REPS2: variants seen among roughly 807,000 people sequenced by gnomAD.
REPS2 encodes the protein RALBP1 associated Eps domain containing 2.
Under a neutral mutation model 53.6 loss-of-function variants are expected in REPS2, and 23 were observed. The observed-to-expected ratio is 0.43, with a 90% CI of 0.31 to 0.61. The LOEUF is 0.61. Ranked by LOEUF, REPS2 falls within the 20% of genes least tolerant of loss-of-function variation. The probability of loss-of-function intolerance (pLI) is 0.11; values close to 1 mark genes in which losing one functional copy is unlikely to be tolerated. For missense variants in REPS2, 446 were observed against 534.9 expected, an observed-to-expected ratio of 0.83 and a Z score of 1.64; for synonymous variants, 238 against 218.6, an observed-to-expected ratio of 1.09 and a Z score of -0.78.
rs61520216 is a variant in REPS2, at chrX:16,962,276, TACACACACAC to T, written c.273+15182_273+15191del. 7.8e-3 allele frequency among the ~76,000 whole-genome samples: 639 copies of T among 81,845 alleles called. 3 individuals are homozygous for T. Among genetic ancestry groups the T allele is most frequent in the African/African-American group, 0.021 (471 of 22,594 alleles). 71.1% of individuals were successfully genotyped at this position (81,845 alleles called of 115,157 possible). On this transcript the variant is annotated intron_variant, in intron 1 of 17. Transcript: ENST00000357277. ...ATGAGTGGCTAAAAATATCGTGGGATACACACACACACACACACACACACACACACACACA... is the reference window on the plus strand; with the variant it reads ...ATGAGTGGCTAAAAATATCGTGGGATACACACACACACACACACACACACA...
At chrX:17,017,238 C>G (rs1189318385) in intron 2 of REPS2, among the ~76,000 whole-genome samples, 1 of 112,204 alleles carries the variant, frequency 8.9e-6, no homozygotes, top group Non-Finnish European at 1.9e-5. Flanking sequence ...TCCCAAAGTG[C>G]TGGGATCACA....
chrX:17,026,256 G>T (rs986926504), intron 4 of REPS2, among the ~76,000 whole-genome samples: 5 of 111,459 alleles, frequency 4.5e-5, no homozygotes, highest in African/African-American at 1.6e-4. Context: ...AGAAGATTAA[G>T]TGAGAATGTG....
At chrX:17,011,819 G>A (rs924864461) in intron 2 of REPS2, among the ~76,000 whole-genome samples, 6 of 109,717 alleles carry the variant, frequency 5.5e-5, no homozygotes, top group Non-Finnish European at 3.8e-5. Flanking sequence ...AAAATTAGCC[G>A]GGTGTAGTGG....
intron 14 of REPS2, among the ~76,000 whole-genome samples, chrX:17,124,956 C>T (rs1048597403): frequency 9.3e-6 from 1 of 107,395 alleles, no homozygotes; most frequent in Non-Finnish European, 1.9e-5. Context: ...CTCCGCCTCC[C>T]GGGTTCAAGT....
intron 14 of REPS2, among the ~76,000 whole-genome samples, chrX:17,120,795 T>C (rs180698163): frequency 6.3e-4 from 71 of 112,221 alleles, no homozygotes; most frequent in Admixed American, 1.0e-3. Flanking sequence ...CACCTGTTTC[T>C]ATAAATAATG....
chrX:17,117,321 C>T (rs976683251), intron 14 of REPS2, among the ~76,000 whole-genome samples: 6 of 111,141 alleles, frequency 5.4e-5, no homozygotes, highest in Admixed American at 1.9e-4. Context: ...ATGTGCACAA[C>T]GTGCAGGTTT....
At chrX:16,998,880 C>G (rs1293725348) in intron 1 of REPS2, among the ~76,000 whole-genome samples, 1 of 112,551 alleles carries the variant, frequency 8.9e-6, no homozygotes, top group African/African-American at 3.2e-5. Context: ...TCTTTCCTTA[C>G]ATTTCTCACT....
intron 5 of REPS2, among the ~76,000 whole-genome samples, chrX:17,047,003 C>G (rs1335744768): frequency 8.9e-6 from 1 of 112,217 alleles, no homozygotes; most frequent in Non-Finnish European, 1.9e-5. Flanking sequence ...ACTATCCACT[C>G]AGCTAATCTG....
At position 17,149,165 on chromosome X, in the gene REPS2, G is replaced by A; in HGVS notation, c.*1684G>A. On this transcript the variant is annotated 3_prime_UTR_variant, in exon 18 of 18. Coordinates refer to ENST00000357277, the MANE Select transcript of REPS2 (RefSeq NM_004726.3). ...TATTCCCTTTTTTTCTTCCCCATTT[G>A]CTGCCTTTTTTGTTTTTGTGGGGGA... 7 of 244,728 alleles carry A rather than the reference G, an allele frequency of 2.9e-5. No individual in the cohort carries two copies. Among genetic ancestry groups the A allele is most frequent in the Non-Finnish European group, 4.6e-5 (6 of 131,188 alleles). 20.2% of individuals were successfully genotyped at this position (244,728 alleles called of 1,213,427 possible).
intron 14 of REPS2, among the ~76,000 whole-genome samples, chrX:17,126,722 T>G (rs185956700): frequency 8.6e-4 from 96 of 112,113 alleles, no homozygotes; most frequent in Middle Eastern, 4.6e-3. Context: ...CACCACTTTT[T>G]TTTTGTAAAT....
Position 16,975,397 on chromosome X carries a change from G to A in REPS2, c.273+28263G>A, listed in dbSNP as rs111645113. Among the ~76,000 whole-genome samples the A allele has an allele frequency of 5.4e-3, 607 of 111,541 alleles. 5 individuals are homozygous for A. The highest frequency in any genetic ancestry group is 0.019 in the African/African-American group (583 of 30,680). On this transcript the variant is annotated intron_variant, in intron 1 of 17. Transcript: ENST00000357277. ...GCACCTGTTTCTTTTTGACTTTTTA[G>A]TAATAGCCATTCTTACTGATGTGAG...
chrX:16,951,063 G>A (rs1457714757), intron 1 of REPS2, among the ~76,000 whole-genome samples: 2 of 111,658 alleles, frequency 1.8e-5, no homozygotes, highest in Non-Finnish European at 3.8e-5. Context: ...AGTAAAATAA[G>A]CCTGTCAAAC....
At chrX:17,077,813 C>T (rs987957684) in intron 13 of REPS2, among the ~76,000 whole-genome samples, 3 of 112,437 alleles carry the variant, frequency 2.7e-5, no homozygotes, top group African/African-American at 9.7e-5. Context: ...AAGGCCTAGC[C>T]AGAACCTTCT....
At chrX:17,121,575 A>G (rs1199274980) in intron 14 of REPS2, among the ~76,000 whole-genome samples, 1 of 112,587 alleles carries the variant, frequency 8.9e-6, no homozygotes, top group African/African-American at 3.2e-5. Flanking sequence ...TTTTAGCCCA[A>G]TCCCAGAATG....
chrX:17,084,145 G>A (rs144298298), intron 13 of REPS2, among the ~76,000 whole-genome samples: 13 of 109,193 alleles, frequency 1.2e-4, no homozygotes, highest in African/African-American at 4.4e-4. Context: ...TGCCCATTCC[G>A]GAATTCTGTA....
chrX:17,049,478 G>A (rs1164395539), intron 6 of REPS2, among the ~76,000 whole-genome samples: 3 of 111,306 alleles, frequency 2.7e-5, no homozygotes, highest in Non-Finnish European at 5.7e-5. Context: ...ACGTGTTTGT[G>A]TTTCAGTATT....
chrX:17,137,496 G>T (rs1295847941), intron 16 of REPS2: 4 of 112,144 alleles, frequency 3.6e-5, no homozygotes, highest in African/African-American at 1.3e-4. Context: ...TTTGAGTTAT[G>T]AATTCTTTAT....
intron 12 of REPS2, 43 bp from the exon 13 acceptor site, chrX:17,077,228 A>C: frequency 8.9e-7 from 1 of 1,128,433 alleles, no homozygotes. Flanking sequence ...CAGAGAGTAA[A>C]GCTTTGCTAT....
intron 1 of REPS2, among the ~76,000 whole-genome samples, chrX:16,976,646 G>C (rs1168545187): frequency 9.0e-6 from 1 of 111,460 alleles, no homozygotes; most frequent in Non-Finnish European, 1.9e-5. Flanking sequence ...GAGAGTAGAA[G>C]GGGGGTCCTT....
Sources: gnomAD v4.1 joint callset for allele counts (sites outside exome capture counted in the v4.1 genomes callset) on GRCh38, gnomAD v4.1.1 for gene constraint, MANE v1.5 for transcripts, NCBI Gene and HGNC (gene_info 2026-07-23, HGNC 2026-07-21) for gene names.